Variants in NIPAL4 observed in about 807,000 individuals in gnomAD.
NIPAL4 encodes the protein magnesium transporter NIPA4.
In NIPAL4, 21 loss-of-function variants were observed where a neutral mutation model predicts 31.6. That is an observed-to-expected ratio of 0.67 (90% confidence interval 0.47 to 0.96). The LOEUF is 0.96. Among genes scored for constraint, NIPAL4 ranks in the 40% least tolerant of loss-of-function variants. The probability of loss-of-function intolerance (pLI) is 0.00; values close to 1 mark genes in which losing one functional copy is unlikely to be tolerated. For synonymous variants in NIPAL4, 175 were observed against 211.1 expected, an observed-to-expected ratio of 0.83 and a Z score of 1.48; for missense variants, 438 against 508.0, an observed-to-expected ratio of 0.86 and a Z score of 1.32.
chr5:157,468,708 C>G lies in NIPAL4; in HGVS notation c.335-14C>G, dbSNP rs773700882. 10 of 1,565,364 alleles carry G rather than the reference C, an allele frequency of 6.4e-6. No homozygotes were observed. The South Asian group carries it at 1.1e-4, about 17-fold the overall frequency. ...CTGCGCCATGCTAGCCTCTTTTCTC[C>G]CTTCGTTTCCTAGTGGCTGCTGGAG... On this transcript the variant is annotated splice_polypyrimidine_tract_variant and intron_variant, in intron 3 of 5. Transcript: ENST00000311946.
intron 1 of NIPAL4, 48 bp from the exon 2 acceptor site, chr5:157,463,046 G>A (rs371637963): frequency 2.9e-5 from 47 of 1,607,608 alleles, no homozygotes; most frequent in Non-Finnish European, 4.0e-5. Flanking sequence ...TTTTAAAAGT[G>A]TGCAATTGTC....
intron 2 of NIPAL4, among the ~76,000 whole-genome samples, chr5:157,465,285 C>G (rs767093560): frequency 6.6e-6 from 1 of 152,196 alleles, no homozygotes; most frequent in Non-Finnish European, 1.5e-5. Flanking sequence ...TTCAGAAAGA[C>G]AACTTCCCTG....
chr5:157,463,956 A>G (rs1313438741), intron 2 of NIPAL4, among the ~76,000 whole-genome samples: 1 of 152,208 alleles, frequency 6.6e-6, no homozygotes, highest in Non-Finnish European at 1.5e-5. Context: ...ATGGGGATTC[A>G]GTGTCCTCGT....
chr5:157,472,599 C>G lies in NIPAL4; in HGVS notation c.854C>G (p.Ala285Gly). 1.2e-6 allele frequency: 2 copies of G among 1,613,950 alleles called. No individual in the cohort carries two copies. The highest frequency in any genetic ancestry group is 1.7e-6 in the Non-Finnish European group (2 of 1,179,870). ...LSTQVNFLNR[A>G]LDIFNTSLVF... ...ACTCAGGTCAACTTCCTCAACAGAG[C>G]ACTGGACATTTTCAACACTTCCCTG... The change falls in exon 6 of 6, where the codon GCA becomes GGA. Residue 285 changes from alanine (A) to glycine (G), a missense_variant. Ala to Gly is a moderately conservative substitution (Grantham distance 60). Coordinates refer to ENST00000311946, the MANE Select transcript of NIPAL4 (RefSeq NM_001099287.2).
Position 157,468,767 on chromosome 5 carries a change from C to A in NIPAL4, c.380C>A (p.Pro127His), listed in dbSNP as rs1754349027. The A allele has an allele frequency of 6.2e-7, 1 of 1,611,676 alleles. No homozygotes were observed. The highest frequency in any genetic ancestry group is 1.7e-5 in the Admixed American group (1 of 59,872). Reference protein sequence around the residue: ...VANFGAYAFAPATVVTPLGAL... With the variant: ...VANFGAYAFAHATVVTPLGAL... Reference sequence around the variant, plus strand: ...AACTTTGGAGCCTACGCATTTGCACCTGCAACAGTCGTCACGCCTCTGGGA... The same window carrying A: ...AACTTTGGAGCCTACGCATTTGCACATGCAACAGTCGTCACGCCTCTGGGA... Residue 127 changes from proline (P) to histidine (H), a missense_variant, in exon 4 of 6, where the codon CCT becomes CAT. Transcript: ENST00000311946.
chr5:157,468,836 CTCTT>C (rs1221250944), intron 4 of NIPAL4, 24 bp downstream of exon 4: 3 of 1,474,390 alleles, frequency 2.0e-6, no homozygotes, highest in Non-Finnish European at 2.8e-6. Flanking sequence ...CTCTAGCTCT[CTCTT>C]TTTCTATTCC....
rs374137299 is a variant in NIPAL4, at chr5:157,463,304, G to C, written c.248G>C (p.Arg83Pro). 4 of 1,612,430 alleles carry C rather than the reference G, an allele frequency of 2.5e-6. No individual in the cohort carries two copies. Among genetic ancestry groups the C allele is most frequent in the African/African-American group, 1.3e-5 (1 of 75,008 alleles). The change falls in exon 2 of 6, where the codon CGA becomes CCA. Residue 83 changes from arginine to proline, a missense_variant. Physicochemically the swap from Arg to Pro is moderately radical, Grantham distance 103. Transcript: ENST00000311946. ...ATCCTCAAGAAGAAAGGCCTCTTGC[G>C]ACTCGTGGCCACGGGAGCCACTCGA... is the stretch of plus-strand genomic sequence containing the variant. Reference protein sequence around the residue: ...SVILKKKGLLRLVATGATRAV... With the variant: ...SVILKKKGLLPLVATGATRAV...
Position 157,468,827 on chromosome 5 carries a change from T to C in NIPAL4, c.425+15T>C. On this transcript the variant is annotated intron_variant, in intron 4 of 5. Coordinates refer to ENST00000311946, the MANE Select transcript of NIPAL4 (RefSeq NM_001099287.2). The stretch of plus-strand genomic sequence containing the variant: ...GTCCTCATAAGGTTATTGTCCCCTC[T>C]CTAGCTCTCTCTTTTTCTATTCCGT... The C allele has an allele frequency of 6.6e-7, 1 of 1,517,162 alleles. No homozygotes were observed. Among genetic ancestry groups the C allele is most frequent in the Non-Finnish European group, 9.0e-7 (1 of 1,109,560 alleles). The allele number at this position is 1,517,162 out of a possible 1,614,324, so 94.0% of individuals were successfully genotyped here. A position where few individuals can be genotyped will look rare whatever the true frequency, so the allele number is the denominator to read the frequency against.
In NIPAL4 at chr5:157,472,715, G is replaced by T. The variant is rs780544754; in HGVS notation, c.970G>T (p.Asp324Tyr). The change falls in exon 6 of 6, where the codon GAC becomes TAC. Residue 324 changes from aspartate to tyrosine, a missense_variant. Coordinates refer to ENST00000311946, the MANE Select transcript of NIPAL4 (RefSeq NM_001099287.2). ...FKEWYSMSAV[D>Y]IAGTLSGFVT... ...GGAGTGGTACAGCATGTCTGCTGTG[G>T]ACATTGCAGGCACCCTCTCGGGCTT... 5 of 1,613,834 alleles carry T rather than the reference G, an allele frequency of 3.1e-6. No homozygotes were observed. Among genetic ancestry groups the T allele is most frequent in the Middle Eastern group, 1.6e-4 (1 of 6,084 alleles).
At chr5:157,463,465 T>G (rs956230624) in intron 2 of NIPAL4, 132 bp downstream of exon 2, 69 of 1,109,536 alleles carry the variant, frequency 6.2e-5, no homozygotes, top group Admixed American at 1.7e-4. Flanking sequence ...GAATCCCACC[T>G]GCCAACAGGG....
Position 157,473,082 on chromosome 5 carries a change from C to A in NIPAL4, c.*122C>A. ...ATGGGCTCTCTTTTCTTGAGAAGTT[C>A]ATTTATACCTCATCACTGTTTCCAG... On this transcript the variant is annotated 3_prime_UTR_variant, in exon 6 of 6. Coordinates refer to ENST00000311946, the MANE Select transcript of NIPAL4 (RefSeq NM_001099287.2). 1.3e-6 allele frequency: 1 copy of A among 762,604 alleles called. No individual in the cohort carries two copies. Among genetic ancestry groups the A allele is most frequent in the Non-Finnish European group, 2.0e-6 (1 of 506,916 alleles). The allele number at this position is 762,604 out of a possible 1,614,324, so 47.2% of individuals were successfully genotyped here. A position where few individuals can be genotyped will look rare whatever the true frequency, so the allele number is the denominator to read the frequency against.
intron 3 of NIPAL4, 56 bp from the exon 4 acceptor site, chr5:157,468,666 G>A (rs1474548577): frequency 2.0e-6 from 2 of 976,058 alleles, no homozygotes; most frequent in Non-Finnish European, 1.7e-6. Flanking sequence ...TATTCGTCTG[G>A]AATGGAGATG....
At chr5:157,468,919 G>C (rs1161001088) in intron 4 of NIPAL4, 107 bp downstream of exon 4, 2 of 725,396 alleles carry the variant, frequency 2.8e-6, no homozygotes, top group African/African-American at 1.8e-5. Context: ...AGGGACCTGG[G>C]TTGGTCTCAG....
chr5:157,464,129 A>G (rs1754188568), intron 2 of NIPAL4, among the ~76,000 whole-genome samples: 1 of 152,156 alleles, frequency 6.6e-6, no homozygotes, highest in African/African-American at 2.4e-5. Context: ...TCTAGAAGAG[A>G]TGATCTCTAA....
intron 2 of NIPAL4, among the ~76,000 whole-genome samples, chr5:157,465,624 G>A (rs1487907627): frequency 6.6e-6 from 1 of 152,048 alleles, no homozygotes; most frequent in Non-Finnish European, 1.5e-5. Flanking sequence ...TTTTACTGGG[G>A]GAAATGTCAT....
At chr5:157,467,987 C>T (rs1309514382) in intron 3 of NIPAL4, 2 of 152,168 alleles carry the variant, frequency 1.3e-5, no homozygotes, top group African/African-American at 4.8e-5. Flanking sequence ...TCACAGCAAC[C>T]TCTGCTTCCC....
intron 2 of NIPAL4, among the ~76,000 whole-genome samples, chr5:157,464,966 C>T (rs1281434553): frequency 6.6e-6 from 1 of 152,130 alleles, no homozygotes; most frequent in Admixed American, 6.5e-5. Context: ...ATACCTAGCA[C>T]AGAGTAGCAC....
chr5:157,470,410 C>A (rs931638286), intron 4 of NIPAL4, among the ~76,000 whole-genome samples: 1 of 152,184 alleles, frequency 6.6e-6, no homozygotes, highest in Non-Finnish European at 1.5e-5. Flanking sequence ...AACCCATGAG[C>A]TTTATAATTA....
chr5:157,467,771 G>A (rs76367243), intron 3 of NIPAL4: 1 of 153,192 alleles, frequency 6.5e-6, no homozygotes, highest in African/African-American at 2.4e-5. Context: ...ACATATTGAG[G>A]GTTTACTGTC....
Sources: allele counts gnomAD v4.1 joint callset (sites outside exome capture counted in the v4.1 genomes callset), GRCh38; gene constraint gnomAD v4.1.1; transcripts MANE v1.5; gene names NCBI Gene and HGNC (gene_info 2026-07-23, HGNC 2026-07-21).